DHX35: variants seen among roughly 807,000 people sequenced by gnomAD.
The protein encoded by DHX35 is probable ATP-dependent RNA helicase DHX35.
Under a neutral mutation model 99.6 loss-of-function variants are expected in DHX35, and 84 were observed. That is an observed-to-expected ratio of 0.84 (90% confidence interval 0.71 to 1.01). The LOEUF (loss-of-function observed/expected upper bound fraction) is 1.01, where lower values mean the gene tolerates loss of function less well. Among genes scored for constraint, DHX35 ranks in the 50% least tolerant of loss-of-function variants. The probability of loss-of-function intolerance (pLI) is 0.00; values close to 1 mark genes in which losing one functional copy is unlikely to be tolerated. For missense variants in DHX35, 852 were observed against 888.5 expected, an observed-to-expected ratio of 0.96 and a Z score of 0.52; for synonymous variants, 331 against 316.2, an observed-to-expected ratio of 1.05 and a Z score of -0.50.
intron 4 of DHX35, 45 bp from the exon 5 acceptor site, chr20:38,988,768 G>GTA: frequency 6.2e-7 from 1 of 1,611,442 alleles, no homozygotes; most frequent in East Asian, 2.2e-5. Flanking sequence ...GCGCTGTGCA[G>GTA]TAATTTCTAT....
chr20:39,036,449 A>G (rs147125853), intron 21 of DHX35, among the ~76,000 whole-genome samples: 1,772 of 152,048 alleles, frequency 0.012, 36 homozygotes, highest in African/African-American at 0.04. Context: ...AGTGCGGCCG[A>G]GCACGGTGGC....
At position 39,012,642 on chromosome 20, in the gene DHX35, A is replaced by G. The variant is rs2086722232; in HGVS notation, c.1347+2238A>G. ...CCTCTTGGGTTCAAGTGATTCTCGTATCTCAGCCTCCCAAGTAGCTGGGAC... is the reference window on the plus strand; with the variant it reads ...CCTCTTGGGTTCAAGTGATTCTCGTGTCTCAGCCTCCCAAGTAGCTGGGAC... On this transcript the variant is annotated intron_variant, in intron 13 of 21. Coordinates refer to ENST00000252011, the MANE Select transcript of DHX35 (RefSeq NM_021931.4). 2.0e-5 allele frequency among the ~76,000 whole-genome samples: 3 copies of G among 151,826 alleles called. No individual in the cohort carries two copies. In the South Asian group the frequency reaches 6.2e-4, roughly 32 times the overall value.
chr20:38,989,886 A>G (rs1213704199), intron 5 of DHX35, among the ~76,000 whole-genome samples: 1 of 152,222 alleles, frequency 6.6e-6, no homozygotes, highest in African/African-American at 2.4e-5. Context: ...GTGCAATAAA[A>G]CAGTGAATGA....
intron 4 of DHX35, among the ~76,000 whole-genome samples, chr20:38,988,598 C>G (rs2086284424): frequency 6.6e-6 from 1 of 152,014 alleles, no homozygotes. Context: ...CCACTGCCCT[C>G]CAGCCTGGGT....
At chr20:39,001,063 A>G (rs530850312) in intron 8 of DHX35, among the ~76,000 whole-genome samples, 3 of 152,324 alleles carry the variant, frequency 2.0e-5, no homozygotes, top group African/African-American at 7.2e-5. Flanking sequence ...GTCAAGTACC[A>G]TTAAATAGGA....
intron 19 of DHX35, chr20:39,029,331 T>C (rs1051894124): frequency 6.6e-6 from 1 of 151,900 alleles, no homozygotes; most frequent in Non-Finnish European, 1.5e-5. Flanking sequence ...TGCCCTGTTA[T>C]CTTGAGGTCA....
chr20:38,977,765 A>T lies in DHX35; in HGVS notation c.267+5114A>T, dbSNP rs1019961197. 10 of 450,768 alleles carry T rather than the reference A, an allele frequency of 2.2e-5. No homozygotes were observed. The Admixed American group carries it at 2.8e-4, about 13-fold the overall frequency. The allele number at this position is 450,768 out of a possible 1,614,324, so 27.9% of individuals were successfully genotyped here. The stretch of plus-strand genomic sequence containing the variant: ...CTACAGAACTTTTGATATTTTAGGA[A>T]TTTTTTTCTTGTTTTTTGAAGGATT... On this transcript the variant is annotated intron_variant, in intron 3 of 21. Coordinates refer to ENST00000252011, the MANE Select transcript of DHX35 (RefSeq NM_021931.4).
intron 18 of DHX35, among the ~76,000 whole-genome samples, chr20:39,026,896 CCTTA>C (rs1186879876): frequency 6.6e-6 from 1 of 152,244 alleles, no homozygotes; most frequent in East Asian, 1.9e-4. Flanking sequence ...TAGATGACAG[CCTTA>C]CTTCAGCAAT....
chr20:38,997,796 G>A lies in DHX35; in HGVS notation c.642+2916G>A, dbSNP rs139238102. ...AGAAAGAAAGAGGATATAAGTGGGC[G>A]AAAGAGGGCAAGAATGAGGACTATG... is the stretch of plus-strand genomic sequence containing the variant. On this transcript the variant is annotated intron_variant, in intron 8 of 21. Coordinates refer to ENST00000252011, the MANE Select transcript of DHX35 (RefSeq NM_021931.4). 3.7e-3 allele frequency among the ~76,000 whole-genome samples: 564 copies of A among 152,294 alleles called. 2 individuals carry two copies. Among genetic ancestry groups the A allele is most frequent in the African/African-American group, 0.013 (541 of 41,550 alleles).
At chr20:38,996,719 G>A (rs949068641) in intron 8 of DHX35, among the ~76,000 whole-genome samples, 26 of 152,164 alleles carry the variant, frequency 1.7e-4, no homozygotes, top group African/African-American at 6.0e-4. Flanking sequence ...GAAGGTAAAT[G>A]TCCAACGTGT....
At chr20:38,992,767 T>C (rs1036342096) in intron 7 of DHX35, among the ~76,000 whole-genome samples, 4 of 152,216 alleles carry the variant, frequency 2.6e-5, no homozygotes, top group African/African-American at 9.6e-5. Context: ...TCTGAAGATA[T>C]TATTTTTAAT....
At chr20:39,007,972 C>T (rs189340176) in intron 12 of DHX35, among the ~76,000 whole-genome samples, 2 of 152,302 alleles carry the variant, frequency 1.3e-5, no homozygotes, top group African/African-American at 4.8e-5. Context: ...TGTTGTGTGA[C>T]CACTGCCTCC....
Position 39,018,797 on chromosome 20 carries a change from A to G in DHX35, c.1403-7A>G, listed in dbSNP as rs1289488441. The G allele has an allele frequency of 2.5e-6, 4 of 1,613,394 alleles. No individual in the cohort carries two copies. Among genetic ancestry groups the G allele is most frequent in the African/African-American group, 1.3e-5 (1 of 74,990 alleles). On this transcript the variant is annotated splice_region_variant and splice_polypyrimidine_tract_variant and intron_variant, in intron 14 of 21. Coordinates refer to ENST00000252011, the MANE Select transcript of DHX35 (RefSeq NM_021931.4). ...CCTTCTGATTTCTTTTGTTGTTCTTATGGCAGGTCTGGACAAAGACTGTCG... is the reference window on the plus strand; with the variant it reads ...CCTTCTGATTTCTTTTGTTGTTCTTGTGGCAGGTCTGGACAAAGACTGTCG...
chr20:39,038,611 C>A lies in DHX35; in HGVS notation c.*68C>A. On this transcript the variant is annotated 3_prime_UTR_variant, in exon 22 of 22. Transcript: ENST00000252011. Reference sequence around the variant, plus strand: ...TCCTCCATGCTGCTGCCCCTGGTCCCAGGTGGGGTGAGCTGGCACCAGCTC... The same window carrying A: ...TCCTCCATGCTGCTGCCCCTGGTCCAAGGTGGGGTGAGCTGGCACCAGCTC... The A allele has an allele frequency of 6.5e-7, 1 of 1,544,882 alleles. No individual in the cohort carries two copies. Among genetic ancestry groups the A allele is most frequent in the Admixed American group, 1.9e-5 (1 of 54,032 alleles).
Position 39,019,722 on chromosome 20 carries a change from C to T in DHX35, c.1498+823C>T, listed in dbSNP as rs116981876. ...ATTTTTTTTGTGCTAAGAATTTGTG[C>T]TAAGAATGTTAAAATTCTATTCTCT... On this transcript the variant is annotated intron_variant, in intron 15 of 21. Transcript: ENST00000252011. Among the ~76,000 whole-genome samples the T allele has an allele frequency of 3.4e-3, 511 of 152,254 alleles. 3 individuals carry two copies. The highest frequency in any genetic ancestry group is 0.014 in the Middle Eastern group (4 of 294).
chr20:39,009,772 T>C (rs1485422434), intron 12 of DHX35, among the ~76,000 whole-genome samples: 1 of 152,180 alleles, frequency 6.6e-6, no homozygotes, highest in African/African-American at 2.4e-5. Context: ...ATTCATTTCT[T>C]GGTTTGGGGC....
At chr20:39,017,221 C>A (rs1176541917) in intron 14 of DHX35, among the ~76,000 whole-genome samples, 1 of 152,054 alleles carries the variant, frequency 6.6e-6, no homozygotes, top group East Asian at 1.9e-4. Context: ...GGTAGGGGTC[C>A]ATCTTCATTC....
At chr20:38,982,337 C>T (rs185931552) in intron 3 of DHX35, among the ~76,000 whole-genome samples, 1 of 152,222 alleles carries the variant, frequency 6.6e-6, no homozygotes, top group Non-Finnish European at 1.5e-5. Flanking sequence ...TTCTTTCTGT[C>T]TTTAGCCTTA....
rs1418891373 is a variant in DHX35 at position 39,002,753 on chromosome 20, A to T, written c.756-19A>T. On this transcript the variant is annotated intron_variant, in intron 9 of 21. Coordinates refer to ENST00000252011, the MANE Select transcript of DHX35 (RefSeq NM_021931.4). ...ATGAGCATATTCTAGTGATGAATTC[A>T]TCCCATTTGTCTTTTCAGTCCTGTT... 1.2e-6 allele frequency: 2 copies of T among 1,601,796 alleles called. No individual in the cohort carries two copies. The highest frequency in any genetic ancestry group is 1.7e-5 in the Admixed American group (1 of 59,840).
Sources: gnomAD v4.1 joint callset for allele counts (sites outside exome capture counted in the v4.1 genomes callset) on GRCh38, gnomAD v4.1.1 for gene constraint, MANE v1.5 for transcripts, NCBI Gene and HGNC (gene_info 2026-07-23, HGNC 2026-07-21) for gene names.